Variants in PRKG2 observed in about 807,000 individuals in gnomAD.
PRKG2 encodes cGMP-dependent protein kinase 2.
PRKG2 carries 33 observed loss-of-function variants against 97.2 expected under a neutral mutation model. The observed-to-expected ratio is 0.34, with a 90% CI of 0.26 to 0.45. The LOEUF (loss-of-function observed/expected upper bound fraction) is 0.45, where lower values mean the gene tolerates loss of function less well. Ranked by LOEUF, PRKG2 falls within the 20% of genes least tolerant of loss-of-function variation. PRKG2 has a pLI of 1.00. For synonymous variants in PRKG2, 330 were observed against 321.8 expected (o/e 1.03, Z -0.27); for missense variants, 638 against 900.0 (o/e 0.71, Z 3.73).
Position 81,167,278 on chromosome 4 carries a change from T to C in PRKG2, c.849-54A>G, listed in dbSNP as rs527575081. ...ACCTTCCTGAATTAAACTATAAATA[T>C]ACACATATGCAGATTCTAAAATCTT... is the stretch of plus-strand genomic sequence containing the variant. On this transcript the variant is annotated intron_variant, in intron 5 of 18. Coordinates refer to ENST00000264399, the MANE Select transcript of PRKG2 (RefSeq NM_006259.3). The C allele has an allele frequency of 7.6e-4, 876 of 1,145,200 alleles. 2 individuals carry two copies. The highest frequency in any genetic ancestry group is 6.3e-3 in the Middle Eastern group (29 of 4,624). 70.9% of individuals were successfully genotyped at this position (1,145,200 alleles called of 1,614,324 possible). A position where few individuals can be genotyped will look rare whatever the true frequency, so the allele number is the denominator to read the frequency against.
intron 2 of PRKG2, among the ~76,000 whole-genome samples, chr4:81,175,255 T>G (rs1481462854): frequency 6.6e-6 from 1 of 152,152 alleles, no homozygotes; most frequent in African/African-American, 2.4e-5. Context: ...GATGCACTAC[T>G]AATGGACACA....
chr4:81,187,461 G>A (rs560127689), intron 2 of PRKG2, among the ~76,000 whole-genome samples: 37 of 150,020 alleles, frequency 2.5e-4, no homozygotes, highest in African/African-American at 5.6e-4. Flanking sequence ...AACTACGAGC[G>A]TATCTCAGAA....
intron 14 of PRKG2, among the ~76,000 whole-genome samples, chr4:81,133,664 A>T (rs900616981): frequency 6.6e-6 from 1 of 152,148 alleles, no homozygotes; most frequent in Non-Finnish European, 1.5e-5. Context: ...TAGAAATTGA[A>T]ATATTTAATA....
chr4:81,217,518 C>T (rs1754319990), upstream of PRKG2, among the ~76,000 whole-genome samples: 1 of 152,178 alleles, frequency 6.6e-6, no homozygotes, highest in Non-Finnish European at 1.5e-5. Context: ...ACTTTTTGAG[C>T]TTTTAATTCA....
intron 2 of PRKG2, among the ~76,000 whole-genome samples, chr4:81,189,583 G>A (rs1437868539): frequency 6.7e-6 from 1 of 149,958 alleles, no homozygotes; most frequent in Non-Finnish European, 1.5e-5. Flanking sequence ...GACACAGGAA[G>A]GGGAACATCA....
At chr4:81,216,109 A>G (rs1297347220), upstream of PRKG2, among the ~76,000 whole-genome samples, 3 of 152,076 alleles carry the variant, frequency 2.0e-5, no homozygotes, top group African/African-American at 7.2e-5. Flanking sequence ...CATCTAGAGA[A>G]TGTTACAACC....
chr4:81,103,906 C>T (rs1355800122), intron 17 of PRKG2, among the ~76,000 whole-genome samples: 2 of 152,124 alleles, frequency 1.3e-5, no homozygotes, highest in African/African-American at 4.8e-5. Context: ...TGGCAGGTGC[C>T]TGTAATCCCA....
At chr4:81,202,235 T>G (rs1453351780) in intron 2 of PRKG2, among the ~76,000 whole-genome samples, 2 of 152,196 alleles carry the variant, frequency 1.3e-5, no homozygotes, top group Non-Finnish European at 2.9e-5. Context: ...ACTTTTGGCT[T>G]TTATCCAATA....
intron 3 of PRKG2, among the ~76,000 whole-genome samples, chr4:81,174,401 G>T (rs968346380): frequency 2.6e-5 from 4 of 152,004 alleles, no homozygotes; most frequent in Admixed American, 2.0e-4. Context: ...GATTAGAAGT[G>T]CAGATTCTTA....
At chr4:81,205,555 G>A (rs1247523957) in intron 1 of PRKG2, among the ~76,000 whole-genome samples, 1 of 152,184 alleles carries the variant, frequency 6.6e-6, no homozygotes, top group African/African-American at 2.4e-5. Context: ...CTCAGAAGAC[G>A]GAAGCAGAGT....
intron 2 of PRKG2, chr4:81,193,041 T>C (rs1752681314): frequency 6.5e-6 from 1 of 153,474 alleles, no homozygotes; most frequent in Admixed American, 6.5e-5. Flanking sequence ...TTTTGTTTTT[T>C]GTTTTTTGTT....
At chr4:81,106,381 C>A (rs1743341969) in intron 15 of PRKG2, among the ~76,000 whole-genome samples, 1 of 152,064 alleles carries the variant, frequency 6.6e-6, no homozygotes, top group Non-Finnish European at 1.5e-5. Context: ...CCTGGGAGGT[C>A]CTGCATAGTG....
At chr4:81,139,712 T>C (rs1449919480) in intron 12 of PRKG2, among the ~76,000 whole-genome samples, 2 of 150,436 alleles carry the variant, frequency 1.3e-5, no homozygotes, top group East Asian at 3.9e-4. Flanking sequence ...GAGGCGGAGC[T>C]TGCAGTGAGC....
At chr4:81,094,820 G>C (rs1418346108) in intron 17 of PRKG2, among the ~76,000 whole-genome samples, 1 of 152,000 alleles carries the variant, frequency 6.6e-6, no homozygotes, top group African/African-American at 2.4e-5. Flanking sequence ...GAAAGAGCCA[G>C]AGGCTAGATC....
At chr4:81,162,642 C>G (rs1383593816) in intron 6 of PRKG2, among the ~76,000 whole-genome samples, 1 of 152,162 alleles carries the variant, frequency 6.6e-6, no homozygotes, top group Non-Finnish European at 1.5e-5. Context: ...AGTTTGCTTA[C>G]TCAAACCCTT....
chr4:81,184,682 A>G (rs1451354436), intron 2 of PRKG2, among the ~76,000 whole-genome samples: 1 of 152,210 alleles, frequency 6.6e-6, no homozygotes, highest in Non-Finnish European at 1.5e-5. Context: ...GAGGGTAATA[A>G]CAAAATCCTC....
At position 81,152,638 on chromosome 4, in the gene PRKG2, C is replaced by T. The variant is rs183658407; in HGVS notation, c.991-584G>A. Among the ~76,000 whole-genome samples the T allele has an allele frequency of 5.4e-3, 826 of 152,294 alleles. 3 individuals are homozygous for T. The highest frequency in any genetic ancestry group is 9.2e-3 in the Non-Finnish European group (628 of 68,024). Reference sequence around the variant, plus strand: ...CAAACAGAAAAAGCCCTGTTTGTGGCTAGAGTTATTCCAATTCAACATGGT... The same window carrying T: ...CAAACAGAAAAAGCCCTGTTTGTGGTTAGAGTTATTCCAATTCAACATGGT... On this transcript the variant is annotated intron_variant, in intron 7 of 18. Coordinates refer to ENST00000264399, the MANE Select transcript of PRKG2 (RefSeq NM_006259.3).
chr4:81,174,172 A>G (rs1350967144), intron 3 of PRKG2, among the ~76,000 whole-genome samples: 1 of 152,056 alleles, frequency 6.6e-6, no homozygotes, highest in East Asian at 1.9e-4. Context: ...AAACCATTTA[A>G]ATAATTCTAA....
intron 6 of PRKG2, among the ~76,000 whole-genome samples, chr4:81,159,640 C>A (rs1749432334): frequency 1.3e-5 from 2 of 152,046 alleles, no homozygotes; most frequent in African/African-American, 4.8e-5. Context: ...AATCATGCTG[C>A]TATAAAGACA....
Sources: allele counts gnomAD v4.1 joint callset (sites outside exome capture counted in the v4.1 genomes callset), GRCh38; gene constraint gnomAD v4.1.1; transcripts MANE v1.5; gene names NCBI Gene and HGNC (gene_info 2026-07-23, HGNC 2026-07-21).